The following SYNE2 variants were observed in gnomAD, a reference collection of about 807,000 sequenced individuals.
SYNE2 encodes spectrin repeat containing nuclear envelope protein 2.
In SYNE2, 431 loss-of-function variants were observed where a neutral mutation model predicts 856.3. The observed-to-expected ratio is 0.50, with a 90% CI of 0.47 to 0.55. The LOEUF is 0.55. Among genes scored for constraint, SYNE2 ranks in the 20% least tolerant of loss-of-function variants. The pLI, the probability that SYNE2 is intolerant of heterozygous loss-of-function variation, is 0.00. For missense variants in SYNE2, 8,129 were observed against 8,023.2 expected (o/e 1.01, Z -0.50); for synonymous variants, 2,923 against 2,872.3 (o/e 1.02, Z -0.56).
At chr14:64,207,332 T>C (rs1263173879) in intron 100 of SYNE2, among the ~76,000 whole-genome samples, 1 of 152,158 alleles carries the variant, frequency 6.6e-6, no homozygotes, top group Non-Finnish European at 1.5e-5. Context: ...CCCAGCACTT[T>C]GGGAGGCCAA....
At chr14:63,768,864 G>C (rs942437037) in intron 1 of SYNE2, among the ~76,000 whole-genome samples, 6 of 151,968 alleles carry the variant, frequency 3.9e-5, no homozygotes, top group African/African-American at 1.4e-4. Context: ...CACAGTCATA[G>C]AGGAACTGGT....
intron 105 of SYNE2, 185 bp from the exon 106 acceptor site, chr14:64,214,009 A>G (rs934963175): frequency 1.7e-5 from 14 of 821,062 alleles, no homozygotes; most frequent in South Asian, 3.8e-5. Context: ...TTTAGGCCCC[A>G]CTCCAGATTG....
intron 64 of SYNE2, among the ~76,000 whole-genome samples, chr14:64,106,538 A>G (rs977116281): frequency 2.6e-5 from 4 of 152,048 alleles, no homozygotes; most frequent in Non-Finnish European, 5.9e-5. Flanking sequence ...AGTCCCAGCT[A>G]CTCGGGAGGC....
chr14:64,084,376 C>T (rs983902618), intron 57 of SYNE2: 3 of 152,320 alleles, frequency 2.0e-5, no homozygotes, highest in Non-Finnish European at 2.9e-5. Context: ...TCTCCCAAGA[C>T]GTTTCCTCCT....
At chr14:64,034,400 G>T in intron 45 of SYNE2, 1 of 421,762 alleles carries the variant, frequency 2.4e-6, no homozygotes, top group South Asian at 8.0e-5. Context: ...ATCCAGAGAG[G>T]CTTTTATCAG....
At position 64,105,936 on chromosome 14, in the gene SYNE2, A is replaced by G. The variant is rs185195978; in HGVS notation, c.12493-1555A>G. 1.4e-3 allele frequency among the ~76,000 whole-genome samples: 213 copies of G among 151,836 alleles called. 1 individual carries two copies. Among genetic ancestry groups the G allele is most frequent in the African/African-American group, 4.9e-3 (201 of 41,410 alleles). On this transcript the variant is annotated intron_variant, in intron 64 of 115. Transcript: ENST00000555002. ...TAGCCGGTCGTGGTGGTGCATGCCT[A>G]TAGTCCCAGAGATTGAGGTGGGAGG...
Position 64,076,034 on chromosome 14 carries a change from A to G in SYNE2, c.10956A>G (p.Ile3652Met). The change falls in exon 54 of 116, where the codon ATA becomes ATG. Residue 3652 changes from isoleucine to methionine, a missense_variant. By Grantham distance (10) the Ile-to-Met change is conservative (BLOSUM62 1). Coordinates refer to ENST00000555002, the MANE Select transcript of SYNE2 (RefSeq NM_182914.3). ...LRIKYSEMYT[I>M]VPAEIESQVE... ...TCAAGTATTCCGAAATGTACACCAT[A>G]GTCCCTGCAGAGATTGAATCCCAGG... 1 of 1,613,984 alleles carries G rather than the reference A, an allele frequency of 6.2e-7. No individual in the cohort carries two copies. Among genetic ancestry groups the G allele is most frequent in the Non-Finnish European group, 8.5e-7 (1 of 1,179,876 alleles).
intron 49 of SYNE2, among the ~76,000 whole-genome samples, chr14:64,058,723 C>T (rs192154415): frequency 6.6e-5 from 10 of 152,270 alleles, no homozygotes; most frequent in African/African-American, 1.9e-4. Flanking sequence ...TCAAGTAATC[C>T]GCCCTCCTCT....
intron 1 of SYNE2, among the ~76,000 whole-genome samples, chr14:63,887,693 T>C (rs1232630381): frequency 6.6e-6 from 1 of 152,090 alleles, no homozygotes; most frequent in African/African-American, 2.4e-5. Flanking sequence ...TGAAATATGC[T>C]TTAATATTGG....
intron 1 of SYNE2, among the ~76,000 whole-genome samples, chr14:63,880,589 T>C (rs2094836325): frequency 6.6e-6 from 1 of 152,106 alleles, no homozygotes; most frequent in Non-Finnish European, 1.5e-5. Flanking sequence ...TATATATTTA[T>C]ATGGTTACAT....
intron 7 of SYNE2, among the ~76,000 whole-genome samples, chr14:63,952,024 T>G (rs1001868576): frequency 6.6e-6 from 1 of 152,238 alleles, no homozygotes; most frequent in African/African-American, 2.4e-5. Flanking sequence ...TATTTCAATA[T>G]CCTGTGTTTT....
At chr14:63,904,345 G>A (rs980412040) in intron 1 of SYNE2, among the ~76,000 whole-genome samples, 6 of 152,170 alleles carry the variant, frequency 3.9e-5, no homozygotes, top group African/African-American at 1.4e-4. Flanking sequence ...TGCAGTAATA[G>A]GATTGCTGGG....
chr14:64,188,607 GA>G lies in SYNE2; in HGVS notation c.17777del (p.Asn5926IlefsTer26). ...ACTCAATACATGGGTTGTATTCAAT[GA>G]AAAAAATAAAGAGTTGTGTGCCTGG... is the stretch of plus-strand genomic sequence containing the variant. ...DRLNTWVVFNEKNKELCAWLV... is the reference protein window; with the variant it reads ...DRLNTWVVFNXKNKELCAWLV... On this transcript the variant is annotated frameshift_variant, in exon 98 of 116. Coordinates refer to ENST00000555002, the MANE Select transcript of SYNE2 (RefSeq NM_182914.3). LOFTEE classifies it high-confidence loss of function. 2 of 1,614,142 alleles carry G rather than the reference GA, an allele frequency of 1.2e-6. No individual in the cohort carries two copies. Among genetic ancestry groups the G allele is most frequent in the Non-Finnish European group, 1.7e-6 (2 of 1,179,994 alleles).
intron 99 of SYNE2, among the ~76,000 whole-genome samples, chr14:64,197,586 A>C (rs149352180): frequency 3.9e-5 from 6 of 152,356 alleles, no homozygotes; most frequent in African/African-American, 1.4e-4. Context: ...TACTTGAACC[A>C]TCTCAGTTTT....
chr14:64,015,065 G>A (rs1594875570), intron 32 of SYNE2, among the ~76,000 whole-genome samples: 3 of 142,588 alleles, frequency 2.1e-5, no homozygotes, highest in Admixed American at 7.1e-5. Context: ...AAATATATAT[G>A]TGTATATATG....
chr14:64,035,515 ATT>A (rs35030710), intron 45 of SYNE2, among the ~76,000 whole-genome samples: 23 of 121,680 alleles, frequency 1.9e-4, no homozygotes, highest in African/African-American at 5.9e-4. Flanking sequence ...TACATGGTAC[ATT>A]TTTTTTTTTT....
intron 11 of SYNE2, among the ~76,000 whole-genome samples, chr14:63,974,293 A>G (rs909268062): frequency 6.6e-6 from 1 of 152,220 alleles, no homozygotes; most frequent in African/African-American, 2.4e-5. Context: ...GCGTGGCACC[A>G]GCATCTGCTT....
At chr14:63,800,045 T>C (rs1262133833) in intron 1 of SYNE2, among the ~76,000 whole-genome samples, 1 of 152,188 alleles carries the variant, frequency 6.6e-6, no homozygotes, top group South Asian at 2.1e-4. Flanking sequence ...ATAAGAACTC[T>C]AGTTAAAAAA....
At position 64,224,530 on chromosome 14, in the gene SYNE2, C is replaced by A; in HGVS notation, c.20452C>A (p.Pro6818Thr). Residue 6818 changes from proline to threonine, a missense_variant, in exon 114 of 116, where the codon CCA becomes ACA. Pro to Thr is a conservative substitution (Grantham distance 38, BLOSUM62 -1). This residue lies in a region of SYNE2 where 5,410 missense variants were observed against 5,284.8 expected (regional missense o/e 1.02). Transcript: ENST00000555002. Reference protein sequence around the residue: ...SGDQPPATSVPAPRAKFRAVR... With the variant: ...SGDQPPATSVTAPRAKFRAVR... ...GGACCAGCCTCCTGCAACATCCGTG[C>A]CAGCTCCCCGAGCAAAGGTAAGAAG... 6.2e-7 allele frequency: 1 copy of A among 1,614,092 alleles called. No homozygotes were observed. The highest frequency in any genetic ancestry group is 8.5e-7 in the Non-Finnish European group (1 of 1,180,008).
Sources: allele counts gnomAD v4.1 joint callset (sites outside exome capture counted in the v4.1 genomes callset), GRCh38; gene constraint gnomAD v4.1.1; regional missense constraint gnomAD v4.1.1; transcripts MANE v1.5; gene names NCBI Gene and HGNC (gene_info 2026-07-23, HGNC 2026-07-21).